DPP10: variants seen among roughly 807,000 people sequenced by gnomAD.
DPP10 encodes the protein inactive dipeptidyl peptidase 10.
A neutral mutation model predicts 120.9 loss-of-function variants in DPP10; 33 were observed. That is an observed-to-expected ratio of 0.27 (90% CI 0.21 to 0.37). The LOEUF (loss-of-function observed/expected upper bound fraction) is 0.37, where lower values mean the gene tolerates loss of function less well. Among genes scored for constraint, DPP10 ranks in the 10% least tolerant of loss-of-function variants. The pLI, the probability that DPP10 is intolerant of heterozygous loss-of-function variation, is 1.00. For synonymous variants in DPP10, 337 were observed against 326.1 expected, an observed-to-expected ratio of 1.03 and a Z score of -0.36; for missense variants, 816 against 942.8, an observed-to-expected ratio of 0.87 and a Z score of 1.76.
At chr2:115,010,096 C>T (rs1422507354) in intron 1 of DPP10, among the ~76,000 whole-genome samples, 1 of 152,148 alleles carries the variant, frequency 6.6e-6, no homozygotes. Flanking sequence ...TTTTAATAAA[C>T]CTTACTTAAA....
At chr2:115,419,939 T>C (rs994633983) in intron 3 of DPP10, among the ~76,000 whole-genome samples, 5 of 152,228 alleles carry the variant, frequency 3.3e-5, no homozygotes, top group African/African-American at 1.2e-4. Flanking sequence ...TCTGGAACTT[T>C]CCCCTTGCAA....
chr2:114,701,544 C>A (rs112705221), intron 1 of DPP10, among the ~76,000 whole-genome samples: 1 of 152,086 alleles, frequency 6.6e-6, no homozygotes, highest in Admixed American at 6.6e-5. Context: ...GAAATTATTG[C>A]TCTCATTTTA....
At chr2:115,261,818 G>A (rs185765260) in intron 1 of DPP10, among the ~76,000 whole-genome samples, 47 of 152,118 alleles carry the variant, frequency 3.1e-4, no homozygotes, top group Admixed American at 9.2e-4. Flanking sequence ...TTATATTATT[G>A]CAACTGTTCT....
At chr2:114,998,417 T>C (rs1701233856) in intron 1 of DPP10, among the ~76,000 whole-genome samples, 3 of 152,268 alleles carry the variant, frequency 2.0e-5, no homozygotes, top group South Asian at 4.2e-4. Context: ...ATTGCTATAT[T>C]AGGCAGTATG....
intron 1 of DPP10, among the ~76,000 whole-genome samples, chr2:114,890,544 G>A (rs937971856): frequency 3.3e-5 from 5 of 152,098 alleles, no homozygotes; most frequent in Non-Finnish European, 7.4e-5. Flanking sequence ...ATATCCCCAA[G>A]CCAACTTTTC....
intron 1 of DPP10, among the ~76,000 whole-genome samples, chr2:114,829,766 AT>A (rs564288936): frequency 3.5e-4 from 53 of 151,826 alleles, no homozygotes; most frequent in African/African-American, 1.2e-3. Context: ...CATTATTACT[AT>A]TTTTTCAAGG....
intron 1 of DPP10, among the ~76,000 whole-genome samples, chr2:114,864,047 T>C (rs1316350813): frequency 6.6e-6 from 1 of 152,200 alleles, no homozygotes; most frequent in Non-Finnish European, 1.5e-5. Flanking sequence ...TAGGGGATAT[T>C]GAAAATAACA....
intron 3 of DPP10, among the ~76,000 whole-genome samples, chr2:115,455,360 A>T (rs1347133456): frequency 2.6e-5 from 4 of 152,100 alleles, no homozygotes; most frequent in Admixed American, 2.6e-4. Flanking sequence ...AGCCATGACA[A>T]TATTTAAAAA....
chr2:115,495,090 A>G (rs529499758), intron 3 of DPP10, among the ~76,000 whole-genome samples: 1 of 152,250 alleles, frequency 6.6e-6, no homozygotes, highest in Admixed American at 6.6e-5. Flanking sequence ...ATTACCTATA[A>G]TAGTCAGAAA....
At chr2:115,573,742 G>A (rs181221222) in intron 5 of DPP10, among the ~76,000 whole-genome samples, 133 of 70,266 alleles carry the variant, frequency 1.9e-3, no homozygotes, top group African/African-American at 7.5e-3. Context: ...TTTTAGTAGA[G>A]ACGGGGTTTG....
At chr2:115,222,470 A>G (rs1270198803) in intron 1 of DPP10, among the ~76,000 whole-genome samples, 2 of 152,104 alleles carry the variant, frequency 1.3e-5, no homozygotes, top group East Asian at 3.9e-4. Context: ...CATTGGTTTT[A>G]AAAAGAGGAG....
At chr2:114,692,841 T>A (rs1484940593) in intron 1 of DPP10, among the ~76,000 whole-genome samples, 2 of 152,124 alleles carry the variant, frequency 1.3e-5, no homozygotes, top group East Asian at 1.9e-4. Context: ...GTAATGCCCT[T>A]CTTTGTCTTT....
At chr2:115,377,505 C>T (rs922002334) in intron 3 of DPP10, among the ~76,000 whole-genome samples, 1 of 152,092 alleles carries the variant, frequency 6.6e-6, no homozygotes, top group African/African-American at 2.4e-5. Context: ...TGTAGGTTGC[C>T]TGTTCACTCT....
At chr2:114,643,341 C>T (rs759492109) in intron 1 of DPP10, among the ~76,000 whole-genome samples, 2 of 151,906 alleles carry the variant, frequency 1.3e-5, no homozygotes, top group East Asian at 1.9e-4. Flanking sequence ...TCCCGTGAAG[C>T]AATGCCGCCT....
intron 1 of DPP10, among the ~76,000 whole-genome samples, chr2:114,865,610 A>G (rs564884699): frequency 6.8e-4 from 103 of 152,266 alleles, no homozygotes; most frequent in African/African-American, 2.2e-3. Context: ...AGATGCTGGG[A>G]CACGTTCTAT....
chr2:114,767,940 A>G (rs968640803), intron 1 of DPP10, among the ~76,000 whole-genome samples: 2 of 151,930 alleles, frequency 1.3e-5, no homozygotes, highest in African/African-American at 2.4e-5. Context: ...GGCCAACATG[A>G]TGAAACCTGA....
At chr2:115,032,940 G>A (rs1703948998) in intron 1 of DPP10, among the ~76,000 whole-genome samples, 1 of 151,504 alleles carries the variant, frequency 6.6e-6, no homozygotes, top group Admixed American at 6.6e-5. Context: ...TTGTTAGGTA[G>A]ACTTTATAAA....
At chr2:114,762,922 G>A (rs1231957289) in intron 1 of DPP10, among the ~76,000 whole-genome samples, 2 of 152,162 alleles carry the variant, frequency 1.3e-5, no homozygotes, top group African/African-American at 2.4e-5. Flanking sequence ...GGAAACAGAT[G>A]AGTAAAATAG....
intron 1 of DPP10, among the ~76,000 whole-genome samples, chr2:114,957,476 G>A (rs1422933091): frequency 6.6e-6 from 1 of 152,002 alleles, no homozygotes; most frequent in African/African-American, 2.4e-5. Context: ...TGGAAGAAGG[G>A]GAAACTTTGT....
Sources: gnomAD v4.1 joint callset for allele counts (sites outside exome capture counted in the v4.1 genomes callset) on GRCh38, gnomAD v4.1.1 for gene constraint, MANE v1.5 for transcripts, NCBI Gene and HGNC (gene_info 2026-07-23, HGNC 2026-07-21) for gene names.